Variants in KHDRBS2 observed in about 807,000 individuals in gnomAD.
KHDRBS2 encodes KH domain-containing, RNA-binding, signal transduction-associated protein 2.
In KHDRBS2, 26 loss-of-function variants were observed where a neutral mutation model predicts 44.3. The ratio of observed to expected loss-of-function variants is 0.59; its 90% CI spans 0.43 to 0.81. The LOEUF (loss-of-function observed/expected upper bound fraction) is 0.81. Ranked by LOEUF, KHDRBS2 falls within the 40% of genes least tolerant of loss-of-function variation. The probability of loss-of-function intolerance (pLI) is 0.00; values close to 1 mark genes in which losing one functional copy is unlikely to be tolerated. For synonymous variants in KHDRBS2, 194 were observed against 151.1 expected (o/e 1.28, Z -2.08); for missense variants, 476 against 433.1 (o/e 1.10, Z -0.88).
Position 62,237,511 on chromosome 6 carries a change from C to A in KHDRBS2, c.91+48347G>T, listed in dbSNP as rs1396392615. Among the ~76,000 whole-genome samples the A allele has an allele frequency of 2.0e-5, 3 of 152,064 alleles. No homozygotes were observed. The East Asian group carries it at 5.8e-4, about 29-fold the overall frequency. On this transcript the variant is annotated intron_variant, in intron 1 of 8. Coordinates refer to ENST00000281156, the MANE Select transcript of KHDRBS2 (RefSeq NM_152688.4). ...GCTTGGATTTATTGTTTGCATAATG[C>A]TATCAAAAAGCAGAAACATGATGGG...
intron 2 of KHDRBS2, among the ~76,000 whole-genome samples, chr6:62,106,163 T>C (rs1416710073): frequency 6.6e-6 from 1 of 152,184 alleles, no homozygotes. Flanking sequence ...TAATTTCTGT[T>C]CTTTTACATT....
chr6:62,215,060 A>T (rs1322446312), intron 1 of KHDRBS2, among the ~76,000 whole-genome samples: 3 of 151,958 alleles, frequency 2.0e-5, no homozygotes, highest in Non-Finnish European at 2.9e-5. Flanking sequence ...TTAGAAAGCT[A>T]ACAGAGGTCT....
intron 1 of KHDRBS2, among the ~76,000 whole-genome samples, chr6:62,194,004 A>G (rs1019699054): frequency 2.6e-5 from 4 of 152,094 alleles, no homozygotes; most frequent in Admixed American, 2.6e-4. Flanking sequence ...ATTTGCAAAT[A>G]TTTGTTCCTA....
chr6:61,848,678 A>G (rs1795013333), intron 6 of KHDRBS2, among the ~76,000 whole-genome samples: 1 of 145,376 alleles, frequency 6.9e-6, no homozygotes, highest in Non-Finnish European at 1.5e-5. Context: ...TCTCTGAAGT[A>G]CTTTCCTGGT....
intron 2 of KHDRBS2, among the ~76,000 whole-genome samples, chr6:62,094,527 C>G (rs775140793): frequency 6.6e-6 from 1 of 151,704 alleles, no homozygotes; most frequent in Non-Finnish European, 1.5e-5. Context: ...TGTGCAGAGG[C>G]TTTTTAGTTT....
At chr6:61,970,361 C>T (rs1771101044) in intron 4 of KHDRBS2, among the ~76,000 whole-genome samples, 1 of 151,768 alleles carries the variant, frequency 6.6e-6, no homozygotes. Context: ...AAAAAAATCC[C>T]ATCATTTTAT....
At chr6:61,705,372 T>C (rs1451402556) in intron 7 of KHDRBS2, among the ~76,000 whole-genome samples, 1 of 151,730 alleles carries the variant, frequency 6.6e-6, no homozygotes, top group African/African-American at 2.4e-5. Flanking sequence ...AAAATAACCA[T>C]AAAAAATATA....
intron 3 of KHDRBS2, among the ~76,000 whole-genome samples, chr6:62,033,265 G>A (rs1170634594): frequency 1.3e-5 from 2 of 151,856 alleles, no homozygotes; most frequent in East Asian, 3.9e-4. Flanking sequence ...CTTAAGAGGA[G>A]GTAGAGAAAG....
At chr6:62,218,648 GT>G (rs1274945038) in intron 1 of KHDRBS2, among the ~76,000 whole-genome samples, 1 of 151,684 alleles carries the variant, frequency 6.6e-6, no homozygotes, top group African/African-American at 2.4e-5. Context: ...ATAAATAAAA[GT>G]AAAAACTAGC....
chr6:61,772,436 G>C (rs1168666240), intron 6 of KHDRBS2, among the ~76,000 whole-genome samples: 1 of 151,842 alleles, frequency 6.6e-6, no homozygotes, highest in Non-Finnish European at 1.5e-5. Flanking sequence ...GACCAATAAA[G>C]AAGAAAAGAA....
intron 2 of KHDRBS2, among the ~76,000 whole-genome samples, chr6:62,129,121 T>C (rs1369803934): frequency 6.6e-6 from 1 of 152,118 alleles, no homozygotes; most frequent in Non-Finnish European, 1.5e-5. Flanking sequence ...TCCATCTTGC[T>C]GCAGATGGAT....
At chr6:62,015,009 A>G (rs1780954304) in intron 3 of KHDRBS2, among the ~76,000 whole-genome samples, 1 of 152,166 alleles carries the variant, frequency 6.6e-6, no homozygotes, top group Non-Finnish European at 1.5e-5. Context: ...GTATTCAAGG[A>G]AAGGCTAGAA....
In KHDRBS2 at chr6:62,144,545, C is replaced by T. The variant is rs188847064; in HGVS notation, c.219+32640G>A. Among the ~76,000 whole-genome samples, 30 of 151,942 alleles carry T rather than the reference C, an allele frequency of 2.0e-4. No homozygotes were observed. In the East Asian group the frequency reaches 3.9e-3, roughly 20 times the overall value. On this transcript the variant is annotated intron_variant, in intron 2 of 8. Transcript: ENST00000281156. ...CTAAGTTCTAGAAATTTGGAGTTCA[C>T]GTGAAACAGCTACATGCTCTTTACA...
intron 2 of KHDRBS2, among the ~76,000 whole-genome samples, chr6:62,084,608 G>T (rs987448259): frequency 6.6e-6 from 1 of 152,052 alleles, no homozygotes; most frequent in Non-Finnish European, 1.5e-5. Flanking sequence ...TGAATAAAAC[G>T]ACAAGGTTTT....
chr6:62,117,406 G>A (rs1161004275), intron 2 of KHDRBS2, among the ~76,000 whole-genome samples: 2 of 151,840 alleles, frequency 1.3e-5, no homozygotes, highest in Admixed American at 1.3e-4. Context: ...TCTTTTTTTT[G>A]AGAGATGTCT....
intron 4 of KHDRBS2, among the ~76,000 whole-genome samples, chr6:61,955,087 C>A (rs9453722): frequency 4.3e-5 from 6 of 139,640 alleles, no homozygotes; most frequent in East Asian, 2.3e-4. Flanking sequence ...TGTATGTATG[C>A]ATACATATAT....
chr6:61,549,821 C>T, the KHDRBS2 span, among the ~76,000 whole-genome samples: 3 of 152,046 alleles, frequency 2.0e-5, no homozygotes, highest in Admixed American at 6.6e-5. Context: ...CTTTAATAAA[C>T]CATATCAATG....
the KHDRBS2 span, among the ~76,000 whole-genome samples, chr6:61,556,872 ATTTTTTT>A: frequency 0.012 from 1,034 of 87,404 alleles, 2 homozygotes; most frequent in Middle Eastern, 0.065. Context: ...TGAAATTGAG[ATTTTTTT>A]TTTTTTTTTT....
At chr6:61,553,040 C>T in the KHDRBS2 span, among the ~76,000 whole-genome samples, 2,281 of 152,250 alleles carry the variant, frequency 0.015, 58 homozygotes, top group African/African-American at 0.053. Flanking sequence ...GGAGGACTCC[C>T]TCTCCTCAAT....
Sources: allele counts gnomAD v4.1 joint callset (sites outside exome capture counted in the v4.1 genomes callset), GRCh38; gene constraint gnomAD v4.1.1; transcripts MANE v1.5; gene names NCBI Gene and HGNC (gene_info 2026-07-23, HGNC 2026-07-21).